The following B3GAT2 variants were observed in gnomAD, a reference collection of about 807,000 sequenced individuals.
The protein encoded by B3GAT2 is beta-1,3-glucuronyltransferase 2.
A neutral mutation model predicts 27.8 loss-of-function variants in B3GAT2; 26 were observed. That is an observed-to-expected ratio of 0.93 (90% CI 0.68 to 1.30). The LOEUF is 1.30. Ranked by LOEUF, B3GAT2 falls within the 50% of genes most tolerant of loss-of-function variation. The pLI is 0.00. For missense variants in B3GAT2, 458 were observed against 459.0 expected (o/e 1.00, Z 0.02); for synonymous variants, 218 against 195.1 (o/e 1.12, Z -0.98).
At chr6:70,893,093 T>A (rs1772318245) in intron 2 of B3GAT2, among the ~76,000 whole-genome samples, 1 of 152,204 alleles carries the variant, frequency 6.6e-6, no homozygotes, top group Admixed American at 6.5e-5. Flanking sequence ...CACGATGCCA[T>A]GTGACAAGAC....
intron 1 of B3GAT2, among the ~76,000 whole-genome samples, chr6:70,946,388 C>T (rs548579355): frequency 4.6e-3 from 692 of 152,070 alleles, no homozygotes; most frequent in African/African-American, 0.016. Context: ...GGAAGAAGAT[C>T]TACCAAGCAA....
Position 70,858,027 on chromosome 6 carries a change from T to C in B3GAT2, c.*3636A>G, listed in dbSNP as rs370603811. 4 of 1,614,086 alleles carry C rather than the reference T, an allele frequency of 2.5e-6. No homozygotes were observed. Among genetic ancestry groups the C allele is most frequent in the African/African-American group, 1.3e-5 (1 of 75,016 alleles). On this transcript the variant is annotated 3_prime_UTR_variant, in exon 4 of 4. Transcript: ENST00000230053. ...CCTGTGCCTGCAGCTCCTGGCCTTA[T>C]AGGAAATGTGATGGGACAGAGTCCA...
intron 2 of B3GAT2, among the ~76,000 whole-genome samples, chr6:70,863,101 GC>G (rs1270673444): frequency 6.6e-6 from 1 of 152,184 alleles, no homozygotes; most frequent in African/African-American, 2.4e-5. Flanking sequence ...AAGGTCTGAA[GC>G]CCTGGATCTC....
chr6:70,903,052 T>A (rs1430018256), intron 1 of B3GAT2, among the ~76,000 whole-genome samples: 1 of 152,084 alleles, frequency 6.6e-6, no homozygotes, highest in African/African-American at 2.4e-5. Flanking sequence ...AAAAAAATGA[T>A]AACCATGTGA....
chr6:70,889,521 G>A (rs982815390), intron 2 of B3GAT2, among the ~76,000 whole-genome samples: 1 of 152,146 alleles, frequency 6.6e-6, no homozygotes, highest in Non-Finnish European at 1.5e-5. Context: ...CGTAGGCGAG[G>A]AGGAGTTGGC....
intron 1 of B3GAT2, among the ~76,000 whole-genome samples, chr6:70,902,051 T>C (rs1344567403): frequency 6.6e-6 from 1 of 152,222 alleles, no homozygotes; most frequent in Non-Finnish European, 1.5e-5. Context: ...CAGCTTCACT[T>C]AATTATGTTA....
chr6:70,918,935 T>C (rs1030082726), intron 1 of B3GAT2, among the ~76,000 whole-genome samples: 11 of 152,210 alleles, frequency 7.2e-5, no homozygotes, highest in African/African-American at 2.7e-4. Context: ...AATTTGAATG[T>C]TGGCCTGCCT....
chr6:70,900,638 C>G (rs1156862192), intron 1 of B3GAT2, among the ~76,000 whole-genome samples: 1 of 152,182 alleles, frequency 6.6e-6, no homozygotes, highest in Non-Finnish European at 1.5e-5. Context: ...CTTTCTGCAG[C>G]TTTCTGCTAC....
intron 1 of B3GAT2, among the ~76,000 whole-genome samples, chr6:70,911,738 T>G (rs1437379999): frequency 2.0e-5 from 3 of 152,220 alleles, no homozygotes; most frequent in African/African-American, 4.8e-5. Flanking sequence ...CTTTGGGCAG[T>G]ATGGCCACTT....
rs555275351 is a variant in B3GAT2 at position 70,868,508 on chromosome 6, C to G, written c.737-6530G>C. On this transcript the variant is annotated intron_variant, in intron 2 of 3. Coordinates refer to ENST00000230053, the MANE Select transcript of B3GAT2 (RefSeq NM_080742.3). ...TCTCTCTTCTCCAACTATACATCAT[C>G]TAATCTCAGCAAGGCTGTTACAAAT... 5.6e-4 allele frequency among the ~76,000 whole-genome samples: 85 copies of G among 152,322 alleles called. 1 individual carries two copies. In the South Asian group the frequency reaches 6.6e-3, roughly 12 times the overall value.
chr6:70,887,078 T>C (rs1388454396), intron 2 of B3GAT2, among the ~76,000 whole-genome samples: 3 of 152,218 alleles, frequency 2.0e-5, no homozygotes, highest in African/African-American at 7.2e-5. Context: ...CATTCATGCA[T>C]GGAAAACAGC....
intron 2 of B3GAT2, among the ~76,000 whole-genome samples, chr6:70,870,238 G>A (rs1771911863): frequency 6.6e-6 from 1 of 151,884 alleles, no homozygotes. Context: ...CATGTCCTTT[G>A]TAGGGACATG....
intron 1 of B3GAT2, among the ~76,000 whole-genome samples, chr6:70,913,654 C>T (rs1190033254): frequency 2.0e-5 from 3 of 152,116 alleles, no homozygotes; most frequent in African/African-American, 4.8e-5. Flanking sequence ...TGCCATGTGG[C>T]GATGAGAAGA....
At position 70,943,353 on chromosome 6, in the gene B3GAT2, G is replaced by C. The variant is rs187047278; in HGVS notation, c.591+12486C>G. Among the ~76,000 whole-genome samples, 192 of 152,272 alleles carry C rather than the reference G, an allele frequency of 1.3e-3. 1 individual carries two copies. Among genetic ancestry groups the C allele is most frequent in the African/African-American group, 4.5e-3 (185 of 41,556 alleles). On this transcript the variant is annotated intron_variant, in intron 1 of 3. Transcript: ENST00000230053. ...GGGTATATTGGTGAGGAGAACCAAG[G>C]CTCCTCCAAGCACATCTCTGTTCCC...
At position 70,956,946 on chromosome 6, in the gene B3GAT2, G is replaced by A; in HGVS notation, c.-517C>T. On this transcript the variant is annotated 5_prime_UTR_variant, in exon 1 of 4. Coordinates refer to ENST00000230053, the MANE Select transcript of B3GAT2 (RefSeq NM_080742.3). ...TTCCTCACATTCCCGCCGGGGTGGC[G>A]AGGAGCGGGTGGAGACGCTGGGGGT... 2.0e-6 allele frequency: 2 copies of A among 1,013,030 alleles called. No individual in the cohort carries two copies. The highest frequency in any genetic ancestry group is 2.4e-6 in the Non-Finnish European group (2 of 848,558). 62.8% of individuals were successfully genotyped at this position (1,013,030 alleles called of 1,614,324 possible). A position where few individuals can be genotyped will look rare whatever the true frequency, so the allele number is the denominator to read the frequency against.
chr6:70,955,722 C>G (rs1765643281), intron 1 of B3GAT2, 117 bp downstream of exon 1: 1 of 1,224,458 alleles, frequency 8.2e-7, no homozygotes, highest in Non-Finnish European at 1.1e-6. Context: ...AATGCGCGCA[C>G]GGAGAACTGA....
At chr6:70,890,294 C>T (rs930976097) in intron 2 of B3GAT2, among the ~76,000 whole-genome samples, 5 of 152,136 alleles carry the variant, frequency 3.3e-5, no homozygotes, top group Non-Finnish European at 5.9e-5. Flanking sequence ...TGCCTGCCCC[C>T]AGGATGCAAT....
chr6:70,894,260 G>C lies in B3GAT2; in HGVS notation c.604C>G (p.Arg202Gly). ...CCCACAGGCCAGACGGAGACCTTGCGGGTGGTTCGCATCTATAAAAAGGGA... is the reference window on the plus strand; with the variant it reads ...CCCACAGGCCAGACGGAGACCTTGCCGGTGGTTCGCATCTATAAAAAGGGA... Reference protein sequence around the residue: ...LELFQEMRTTRKVSVWPVGLV... With the variant: ...LELFQEMRTTGKVSVWPVGLV... Residue 202 changes from arginine to glycine, a missense_variant, in exon 2 of 4, where the codon CGC (arginine) becomes GGC (glycine). By Grantham distance (125) the Arg-to-Gly change is moderately radical. Coordinates refer to ENST00000230053, the MANE Select transcript of B3GAT2 (RefSeq NM_080742.3). 6.3e-7 allele frequency: 1 copy of C among 1,590,262 alleles called. No homozygotes were observed. The highest frequency in any genetic ancestry group is 8.5e-7 in the Non-Finnish European group (1 of 1,169,790).
intron 1 of B3GAT2, among the ~76,000 whole-genome samples, chr6:70,912,745 G>T (rs1228681734): frequency 6.6e-6 from 1 of 152,088 alleles, no homozygotes; most frequent in Non-Finnish European, 1.5e-5. Flanking sequence ...CAGTAGGAAT[G>T]GTACCAGCTC....
Sources: allele counts gnomAD v4.1 joint callset (sites outside exome capture counted in the v4.1 genomes callset), GRCh38; gene constraint gnomAD v4.1.1; transcripts MANE v1.5; gene names NCBI Gene and HGNC (gene_info 2026-07-23, HGNC 2026-07-21).